The following RBFOX3 variants were observed in gnomAD, a reference collection of about 807,000 sequenced individuals.
RBFOX3 encodes the protein RNA binding fox-1 homolog 3.
A neutral mutation model predicts 48.7 loss-of-function variants in RBFOX3; 17 were observed. That is an observed-to-expected ratio of 0.35 (90% confidence interval 0.24 to 0.52). The LOEUF (loss-of-function observed/expected upper bound fraction) is 0.52, where lower values mean the gene tolerates loss of function less well. Among genes scored for constraint, RBFOX3 ranks in the 20% least tolerant of loss-of-function variants. The pLI, the probability that RBFOX3 is intolerant of heterozygous loss-of-function variation, is 0.94. For missense variants in RBFOX3, 382 were observed against 497.5 expected, an observed-to-expected ratio of 0.77 and a Z score of 2.21; for synonymous variants, 212 against 209.5, an observed-to-expected ratio of 1.01 and a Z score of -0.10.
chr17:79,311,171 G>A lies in RBFOX3; in HGVS notation c.-174-3347C>T, dbSNP rs544081438. Among the ~76,000 whole-genome samples the A allele has an allele frequency of 1.9e-3, 295 of 152,280 alleles. No homozygotes were observed. The highest frequency in any genetic ancestry group is 6.4e-3 in the African/African-American group (264 of 41,556). Reference sequence around the variant, plus strand: ...GCACCAGCTGGGCGCAGTGGCTCACGCCTATAATCCCAGCACTTTGGGAGG... The same window carrying A: ...GCACCAGCTGGGCGCAGTGGCTCACACCTATAATCCCAGCACTTTGGGAGG... On this transcript the variant is annotated intron_variant, in intron 2 of 14. Coordinates refer to ENST00000693108, the MANE Select transcript of RBFOX3 (RefSeq NM_001350451.2). The surrounding 1 kb of genome is among the most constrained non-coding windows in gnomAD (Gnocchi z 4.2).
At position 79,362,846 on chromosome 17, in the gene RBFOX3, C is replaced by A. The variant is rs1335266771; in HGVS notation, c.-174-55022G>T. Among the ~76,000 whole-genome samples the A allele has an allele frequency of 6.6e-6, 1 of 152,154 alleles. No homozygotes were observed. The highest frequency in any genetic ancestry group is 6.5e-5 in the Admixed American group (1 of 15,284). On this transcript the variant is annotated intron_variant, in intron 2 of 14. Transcript: ENST00000693108. This position sits in a 1 kb window ranked among gnomAD's most constrained non-coding sequence, Gnocchi z 4.2. ...CGGGAACATCAGACAACCCTGAACG[C>A]CCGGCTCTGTGTGCAGACCTCATTC...
intron 1 of RBFOX3, among the ~76,000 whole-genome samples, chr17:79,596,544 C>A: frequency 6.6e-6 from 1 of 152,210 alleles, no homozygotes; most frequent in African/African-American, 2.4e-5. Context: ...CCAGCCAGGC[C>A]ACAGAGCTAA....
In RBFOX3 at chr17:79,161,978, T is replaced by C. The variant is rs1020194893; in HGVS notation, c.-33-46230A>G. The stretch of plus-strand genomic sequence containing the variant: ...AGGCTATGAGGCCCCAGCGGGACTT[T>C]TGGGGGACAGGGATGGGAGGAAATT... On this transcript the variant is annotated intron_variant, in intron 4 of 14. Transcript: ENST00000693108. 2.6e-5 allele frequency among the ~76,000 whole-genome samples: 4 copies of C among 152,234 alleles called. No homozygotes were observed. In the East Asian group the frequency reaches 5.8e-4, roughly 22 times the overall value.
chr17:79,249,862 CTG>C lies in RBFOX3; in HGVS notation c.-73-14059_-73-14058del, dbSNP rs1478323544. Among the ~76,000 whole-genome samples the C allele has an allele frequency of 6.6e-6, 1 of 152,208 alleles. No homozygotes were observed. The highest frequency in any genetic ancestry group is 2.4e-5 in the African/African-American group (1 of 41,452). On this transcript the variant is annotated intron_variant, in intron 3 of 14. Transcript: ENST00000693108. The surrounding 1 kb of genome is among the most constrained non-coding windows in gnomAD (Gnocchi z 4.1). ...TCTGCCATGCCAGTCATTTCTGTAT[CTG>C]TGTGTCTTTTTTACCCCATTAAAAC...
At chr17:79,160,076 C>T (rs2046650567) in intron 4 of RBFOX3, among the ~76,000 whole-genome samples, 2 of 152,238 alleles carry the variant, frequency 1.3e-5, no homozygotes, top group South Asian at 4.1e-4. Context: ...CCCAGGAACG[C>T]TCCGCTCGAG....
chr17:79,105,529 T>A (rs1363841079), intron 6 of RBFOX3, among the ~76,000 whole-genome samples: 1 of 152,116 alleles, frequency 6.6e-6, no homozygotes, highest in Non-Finnish European at 1.5e-5. Flanking sequence ...TGCCATCTGA[T>A]GATTCTAAGT....
At chr17:79,136,290 C>T (rs1268375416) in intron 4 of RBFOX3, 1 of 152,494 alleles carries the variant, frequency 6.6e-6, no homozygotes, top group Non-Finnish European at 1.5e-5. Context: ...TATGACCCCT[C>T]CCAGCCAGAG....
intron 1 of RBFOX3, chr17:79,601,917 G>A (rs1174676932): frequency 1.3e-5 from 2 of 152,202 alleles, no homozygotes; most frequent in African/African-American, 4.8e-5. Flanking sequence ...GTGAATGCTG[G>A]TTATGGCAAT....
In RBFOX3 at chr17:79,475,880, C is replaced by G. The variant is rs1006192785; in HGVS notation, c.-175+6574G>C. Among the ~76,000 whole-genome samples the G allele has an allele frequency of 1.5e-4, 23 of 152,322 alleles. No homozygotes were observed. The East Asian group carries it at 4.2e-3, about 28-fold the overall frequency. The stretch of plus-strand genomic sequence containing the variant: ...TGTGGGACAGTTTCTCCCTGAGAAG[C>G]AACCCCGCTGCCCTCCTGATTTTGG... On this transcript the variant is annotated intron_variant, in intron 2 of 14. Coordinates refer to ENST00000693108, the MANE Select transcript of RBFOX3 (RefSeq NM_001350451.2).
chr17:79,172,245 A>G (rs1461576893), intron 4 of RBFOX3, among the ~76,000 whole-genome samples: 1 of 152,152 alleles, frequency 6.6e-6, no homozygotes, highest in Non-Finnish European at 1.5e-5. Context: ...GAGGACATTT[A>G]AAAAATGAAC....
chr17:79,599,057 A>G (rs2093640197), intron 1 of RBFOX3: 2 of 151,964 alleles, frequency 1.3e-5, no homozygotes, highest in East Asian at 3.9e-4. Context: ...GAGACCCAAC[A>G]TTTACAGGAA....
In RBFOX3 at chr17:79,361,250, G is replaced by C. The variant is rs1448554202; in HGVS notation, c.-174-53426C>G. The stretch of plus-strand genomic sequence containing the variant: ...TCCCATCCTCGGCTTGCCACTGCCC[G>C]ACCTGGCCTCTTCCCTCTCCCCAGG... On this transcript the variant is annotated intron_variant, in intron 2 of 14. Coordinates refer to ENST00000693108, the MANE Select transcript of RBFOX3 (RefSeq NM_001350451.2). This position sits in a 1 kb window ranked among gnomAD's most constrained non-coding sequence, Gnocchi z 4.5. Among the ~76,000 whole-genome samples the C allele has an allele frequency of 2.0e-5, 3 of 152,210 alleles. No individual in the cohort carries two copies. In the South Asian group the frequency reaches 6.2e-4, roughly 32 times the overall value.
At chr17:79,159,384 C>T (rs2046482842) in intron 4 of RBFOX3, among the ~76,000 whole-genome samples, 1 of 152,134 alleles carries the variant, frequency 6.6e-6, no homozygotes, top group African/African-American at 2.4e-5. Flanking sequence ...CCTGGCTCTC[C>T]AAGAGCTCTG....
At chr17:79,420,641 G>A (rs1156397423) in intron 2 of RBFOX3, among the ~76,000 whole-genome samples, 1 of 152,178 alleles carries the variant, frequency 6.6e-6, no homozygotes, top group Non-Finnish European at 1.5e-5. Context: ...GAAGTGCACG[G>A]GAACCGCTTG....
chr17:79,634,826 G>A, the RBFOX3 span, among the ~76,000 whole-genome samples: 556 of 152,076 alleles, frequency 3.7e-3, no homozygotes, highest in Non-Finnish European at 5.1e-3. Context: ...TTGGGAGGCC[G>A]AGGCGGGTAG....
chr17:79,516,205 C>A (rs1425808145), intron 1 of RBFOX3: 1 of 152,196 alleles, frequency 6.6e-6, no homozygotes, highest in Non-Finnish European at 1.5e-5. Flanking sequence ...GAAAAATGAA[C>A]CATTTCCATT....
At chr17:79,478,044 A>C (rs1186424886) in intron 2 of RBFOX3, among the ~76,000 whole-genome samples, 1 of 152,160 alleles carries the variant, frequency 6.6e-6, no homozygotes, top group Admixed American at 6.5e-5. Context: ...AAATGAAGCC[A>C]TGATCCCCCT....
At chr17:79,310,219 T>C (rs767513318) in intron 2 of RBFOX3, among the ~76,000 whole-genome samples, 1 of 152,158 alleles carries the variant, frequency 6.6e-6, no homozygotes, top group Non-Finnish European at 1.5e-5. Flanking sequence ...CTAGAGTAGA[T>C]TTTTAAAGCA....
chr17:79,206,238 G>A (rs2057460752), intron 4 of RBFOX3, among the ~76,000 whole-genome samples: 1 of 152,092 alleles, frequency 6.6e-6, no homozygotes, highest in Non-Finnish European at 1.5e-5. Flanking sequence ...AGAACTTGGT[G>A]GCCTCTTTGG....
Sources: gnomAD v4.1 joint callset for allele counts (sites outside exome capture counted in the v4.1 genomes callset) on GRCh38, gnomAD v4.1.1 for gene constraint, Gnocchi (gnomAD v3.1) non-coding constraint, MANE v1.5 for transcripts, NCBI Gene and HGNC (gene_info 2026-07-23, HGNC 2026-07-21) for gene names.